ARHGAP35: variants seen among roughly 807,000 people sequenced by gnomAD.
ARHGAP35 encodes rho GTPase-activating protein 35.
A neutral mutation model predicts 111.1 loss-of-function variants in ARHGAP35; 15 were observed. The ratio of observed to expected loss-of-function variants is 0.13; its 90% CI spans 0.09 to 0.21. The LOEUF is 0.21. Ranked by LOEUF, ARHGAP35 falls within the 10% of genes least tolerant of loss-of-function variation. ARHGAP35 has a pLI of 1.00. For synonymous variants in ARHGAP35, 643 were observed against 710.3 expected (o/e 0.91, Z 1.51); for missense variants, 1,262 against 1,873.0 (o/e 0.67, Z 6.02).
intron 1 of ARHGAP35, among the ~76,000 whole-genome samples, chr19:46,867,769 T>C (rs1244628678): frequency 6.6e-6 from 1 of 152,080 alleles, no homozygotes; most frequent in African/African-American, 2.4e-5. Context: ...TTGTTGTTGT[T>C]GTTGTTGTTT....
At position 46,900,501 on chromosome 19, in the gene ARHGAP35, G is replaced by A. The variant is rs376071592; in HGVS notation, c.-188-17987G>A. On this transcript the variant is annotated intron_variant, in intron 1 of 6. Transcript: ENST00000672722. ...CTCCCAAACTGTTGGGATTACAGGC[G>A]TGAGCCACCATGCCCAGCCTTTATT... Among the ~76,000 whole-genome samples the A allele has an allele frequency of 1.4e-3, 206 of 152,310 alleles. 6 individuals carry two copies. The South Asian group carries it at 0.037, about 27-fold the overall frequency.
At chr19:46,943,980 C>G (rs2056364120) in intron 3 of ARHGAP35, among the ~76,000 whole-genome samples, 1 of 152,118 alleles carries the variant, frequency 6.6e-6, no homozygotes, top group South Asian at 2.1e-4. Flanking sequence ...TCCCATCACT[C>G]TAAAAATATT....
At chr19:46,980,493 C>G (rs1206413869) in intron 3 of ARHGAP35, among the ~76,000 whole-genome samples, 1 of 152,192 alleles carries the variant, frequency 6.6e-6, no homozygotes, top group East Asian at 1.9e-4. Context: ...GCGATTTACT[C>G]TCAGACACCC....
intron 3 of ARHGAP35, among the ~76,000 whole-genome samples, chr19:46,938,705 TG>T (rs2056325828): frequency 6.6e-6 from 1 of 150,976 alleles, no homozygotes; most frequent in Non-Finnish European, 1.5e-5. Context: ...GTTGCCAAGC[TG>T]GAGTGCAGTG....
intron 2 of ARHGAP35, among the ~76,000 whole-genome samples, chr19:46,924,336 A>T (rs773623278): frequency 2.6e-5 from 4 of 152,120 alleles, no homozygotes; most frequent in Non-Finnish European, 5.9e-5. Flanking sequence ...TCACCCTCCC[A>T]CAGAAATTGC....
Position 47,000,804 on chromosome 19 carries a change from T to C in ARHGAP35, c.*116T>C. 6.5e-7 allele frequency: 1 copy of C among 1,544,184 alleles called. No homozygotes were observed. The highest frequency in any genetic ancestry group is 8.7e-7 in the Non-Finnish European group (1 of 1,146,126). On this transcript the variant is annotated 3_prime_UTR_variant, in exon 7 of 7. Coordinates refer to ENST00000672722, the MANE Select transcript of ARHGAP35 (RefSeq NM_004491.5). The surrounding 1 kb of genome is among the most constrained non-coding windows in gnomAD (Gnocchi z 6.9). Reference sequence around the variant, plus strand: ...AGGCAGGGGCAAGTGGCTCTCCCCATTACCTTCTCAAGACCTCAGTGGGAG... The same window carrying C: ...AGGCAGGGGCAAGTGGCTCTCCCCACTACCTTCTCAAGACCTCAGTGGGAG...
intron 1 of ARHGAP35, among the ~76,000 whole-genome samples, chr19:46,894,142 T>C (rs528701385): frequency 6.6e-6 from 1 of 152,296 alleles, no homozygotes; most frequent in South Asian, 2.1e-4. Flanking sequence ...GAGCAAATGA[T>C]GCAATTAGGA....
chr19:46,875,218 A>C (rs1239196695), intron 1 of ARHGAP35, among the ~76,000 whole-genome samples: 1 of 152,136 alleles, frequency 6.6e-6, no homozygotes, highest in Non-Finnish European at 1.5e-5. Context: ...ATATTTATTT[A>C]CTGATCATTC....
intron 3 of ARHGAP35, among the ~76,000 whole-genome samples, chr19:46,984,474 C>G (rs2122328481): frequency 6.6e-6 from 1 of 152,342 alleles, no homozygotes; most frequent in African/African-American, 2.4e-5. Flanking sequence ...TGTTTCTCAC[C>G]TGGGTTGCCA....
Position 46,926,950 on chromosome 19 carries a change from A to C in ARHGAP35, c.3681+4594A>C, listed in dbSNP as rs1027559336. 1.3e-5 allele frequency among the ~76,000 whole-genome samples: 2 copies of C among 152,150 alleles called. No individual in the cohort carries two copies. ...GCTTGCTCCCCTGGGAGGGATGTTG[A>C]GTTTTGACAGACAAGCTGAATGCGA... On this transcript the variant is annotated intron_variant, in intron 2 of 6. Coordinates refer to ENST00000672722, the MANE Select transcript of ARHGAP35 (RefSeq NM_004491.5). The surrounding 1 kb of genome is among the most constrained non-coding windows in gnomAD (Gnocchi z 4.1).
At chr19:46,873,397 C>T (rs113379194) in intron 1 of ARHGAP35, among the ~76,000 whole-genome samples, 2 of 151,850 alleles carry the variant, frequency 1.3e-5, no homozygotes, top group Non-Finnish European at 2.9e-5. Flanking sequence ...TTTGGTGGGC[C>T]GAGGTGGGCG....
intron 1 of ARHGAP35, among the ~76,000 whole-genome samples, chr19:46,864,071 T>A (rs2055843020): frequency 6.6e-6 from 1 of 152,262 alleles, no homozygotes; most frequent in Non-Finnish European, 1.5e-5. Context: ...GCTCTTTGCC[T>A]GCCGTACAAG....
rs572191654 is a variant in ARHGAP35, at chr19:46,865,534, C to T, written c.-189+4325C>T. ...GCAGATTCATGGGCAGATCCATGGA[C>T]CTGATGGTGACTTTTGGCAAAGGAC... On this transcript the variant is annotated intron_variant, in intron 1 of 6. Transcript: ENST00000672722. Among the ~76,000 whole-genome samples, 153 of 152,198 alleles carry T rather than the reference C, an allele frequency of 1.0e-3. 1 individual carries two copies. In the South Asian group the frequency reaches 0.014, roughly 14 times the overall value.
In ARHGAP35 at chr19:46,861,101, C is replaced by T. The variant is rs2122841887; in HGVS notation, c.-297C>T. Among the ~76,000 whole-genome samples the T allele has an allele frequency of 6.6e-6, 1 of 151,534 alleles. No homozygotes were observed. The highest frequency in any genetic ancestry group is 2.1e-4 in the South Asian group (1 of 4,810). ...CGGCCCCCCGCCGCCGGAGCCGCCG[C>T]CGCCGCCTCAGCCGCCGCTGGACTA... On this transcript the variant is annotated 5_prime_UTR_variant, in exon 1 of 7. Coordinates refer to ENST00000672722, the MANE Select transcript of ARHGAP35 (RefSeq NM_004491.5).
At chr19:46,995,106 G>A (rs1304706574) in intron 5 of ARHGAP35, among the ~76,000 whole-genome samples, 1 of 152,116 alleles carries the variant, frequency 6.6e-6, no homozygotes, top group East Asian at 1.9e-4. Context: ...AGGGGAGGGT[G>A]GGTATAGAAA....
At chr19:46,867,830 A>G (rs562466250) in intron 1 of ARHGAP35, among the ~76,000 whole-genome samples, 12 of 152,010 alleles carry the variant, frequency 7.9e-5, no homozygotes, top group Middle Eastern at 3.4e-3. Context: ...CAGGCTTTAA[A>G]TGCTTAGAGG....
At chr19:46,987,301 C>T (rs899507405) in intron 3 of ARHGAP35, among the ~76,000 whole-genome samples, 9 of 150,412 alleles carry the variant, frequency 6.0e-5, no homozygotes, top group Non-Finnish European at 1.3e-4. Flanking sequence ...CTGCAACCTC[C>T]GCTTCCTGGG....
chr19:46,897,961 GC>G (rs2056065682), intron 1 of ARHGAP35, among the ~76,000 whole-genome samples: 1 of 152,152 alleles, frequency 6.6e-6, no homozygotes, highest in Admixed American at 6.5e-5. Context: ...GAATTCCAAA[GC>G]CTTATACCAG....
intron 2 of ARHGAP35, among the ~76,000 whole-genome samples, chr19:46,936,665 C>T (rs905844846): frequency 6.6e-6 from 1 of 152,016 alleles, no homozygotes; most frequent in East Asian, 1.9e-4. Flanking sequence ...AGATAATCAT[C>T]GTATTGTTAT....
Sources: allele counts gnomAD v4.1 joint callset (sites outside exome capture counted in the v4.1 genomes callset), GRCh38; gene constraint gnomAD v4.1.1; non-coding constraint Gnocchi (gnomAD v3.1); transcripts MANE v1.5; gene names NCBI Gene and HGNC (gene_info 2026-07-23, HGNC 2026-07-21).